The following GRID1 variants were observed in gnomAD, a reference collection of about 807,000 sequenced individuals.
The protein encoded by GRID1 is glutamate ionotropic receptor delta type subunit 1.
Under a neutral mutation model 98.0 loss-of-function variants are expected in GRID1, and 28 were observed. That is an observed-to-expected ratio of 0.29 (90% CI 0.21 to 0.39). The LOEUF is 0.39. Ranked by LOEUF, GRID1 falls within the 10% of genes least tolerant of loss-of-function variation. The probability of loss-of-function intolerance (pLI) is 1.00; values close to 1 mark genes in which losing one functional copy is unlikely to be tolerated. For synonymous variants in GRID1, 553 were observed against 538.5 expected (o/e 1.03, Z -0.37); for missense variants, 1,111 against 1,340.5 (o/e 0.83, Z 2.67).
chr10:85,828,789 T>C (rs116972181), intron 8 of GRID1, among the ~76,000 whole-genome samples: 5,022 of 151,964 alleles, frequency 0.033, 126 homozygotes, highest in Non-Finnish European at 0.047. Flanking sequence ...AGACTAAAAA[T>C]TAGTTACAAA....
intron 5 of GRID1, among the ~76,000 whole-genome samples, chr10:85,897,522 C>A (rs146197099): frequency 6.6e-6 from 1 of 152,030 alleles, no homozygotes; most frequent in Non-Finnish European, 1.5e-5. Context: ...CTCTCATGCT[C>A]GGAAAACATA....
intron 12 of GRID1, among the ~76,000 whole-genome samples, chr10:85,674,452 G>A (rs887165205): frequency 6.6e-6 from 1 of 152,134 alleles, no homozygotes; most frequent in African/African-American, 2.4e-5. Context: ...GAGATTAATG[G>A]ATTAGAAAAG....
At chr10:85,831,740 T>C (rs573157617) in intron 8 of GRID1, among the ~76,000 whole-genome samples, 2 of 152,232 alleles carry the variant, frequency 1.3e-5, no homozygotes, top group East Asian at 3.9e-4. Flanking sequence ...TTTTGTTTAG[T>C]AAATGAAATA....
At chr10:86,331,559 C>T (rs1848142883) in intron 2 of GRID1, among the ~76,000 whole-genome samples, 1 of 152,202 alleles carries the variant, frequency 6.6e-6, no homozygotes, top group Non-Finnish European at 1.5e-5. Context: ...CCACCAGTGC[C>T]CTCCACTGGA....
At chr10:85,784,328 A>C (rs1208590642) in intron 8 of GRID1, among the ~76,000 whole-genome samples, 1 of 152,210 alleles carries the variant, frequency 6.6e-6, no homozygotes, top group African/African-American at 2.4e-5. Flanking sequence ...ACTCCACAGC[A>C]TGCACCTCAG....
intron 2 of GRID1, among the ~76,000 whole-genome samples, chr10:86,262,564 C>T (rs184730380): frequency 4.7e-4 from 72 of 152,314 alleles, no homozygotes; most frequent in East Asian, 7.7e-4. Context: ...AGGAAGGGAA[C>T]GTGGCTCCAC....
At chr10:86,309,870 A>T (rs1847808880) in intron 2 of GRID1, among the ~76,000 whole-genome samples, 1 of 152,178 alleles carries the variant, frequency 6.6e-6, no homozygotes, top group Admixed American at 6.5e-5. Flanking sequence ...CTAAGAGAGG[A>T]TGCCAGTGCC....
At chr10:85,642,430 C>A (rs1327356492) in intron 13 of GRID1, among the ~76,000 whole-genome samples, 4 of 152,182 alleles carry the variant, frequency 2.6e-5, no homozygotes, top group African/African-American at 9.7e-5. Context: ...AAGAGACAAG[C>A]CTGACAGGAA....
At chr10:85,970,807 T>G (rs1184652436) in intron 4 of GRID1, among the ~76,000 whole-genome samples, 1 of 152,078 alleles carries the variant, frequency 6.6e-6, no homozygotes, top group East Asian at 1.9e-4. Flanking sequence ...CTACTCAATA[T>G]TGTACTGGAG....
chr10:85,860,057 A>G (rs2131785046), intron 6 of GRID1, among the ~76,000 whole-genome samples: 1 of 152,284 alleles, frequency 6.6e-6, no homozygotes, highest in East Asian at 1.9e-4. Flanking sequence ...AGGCTCCCAG[A>G]TGCATGGATG....
intron 4 of GRID1, among the ~76,000 whole-genome samples, chr10:86,044,651 T>A (rs1843396252): frequency 6.6e-6 from 1 of 152,202 alleles, no homozygotes; most frequent in Non-Finnish European, 1.5e-5. Context: ...GGGTCCCCCA[T>A]GGAATCCCCA....
intron 3 of GRID1, among the ~76,000 whole-genome samples, chr10:86,172,040 T>C (rs1845496303): frequency 1.3e-5 from 2 of 152,008 alleles, no homozygotes; most frequent in African/African-American, 2.4e-5. Context: ...GTCTTAAGTG[T>C]ACAATTGAAT....
chr10:85,666,650 G>A (rs1349109718), intron 12 of GRID1, among the ~76,000 whole-genome samples: 1 of 152,194 alleles, frequency 6.6e-6, no homozygotes, highest in African/African-American at 2.4e-5. Context: ...AGAGCCAACT[G>A]TACTTTGTGA....
intron 4 of GRID1, among the ~76,000 whole-genome samples, chr10:85,980,997 C>A (rs568156875): frequency 6.6e-6 from 1 of 152,200 alleles, no homozygotes; most frequent in African/African-American, 2.4e-5. Flanking sequence ...TGCCTTCCTC[C>A]CAGGTGAGCC....
At chr10:86,168,550 C>A (rs1470565355) in intron 3 of GRID1, among the ~76,000 whole-genome samples, 1 of 152,184 alleles carries the variant, frequency 6.6e-6, no homozygotes, top group Non-Finnish European at 1.5e-5. Flanking sequence ...GATGCAGAAT[C>A]CCCTCTGCCA....
At chr10:86,066,309 A>G (rs1843719705) in intron 4 of GRID1, among the ~76,000 whole-genome samples, 2 of 152,238 alleles carry the variant, frequency 1.3e-5, no homozygotes, top group African/African-American at 4.8e-5. Context: ...CACAAGCTCA[A>G]ACCCAAGCTG....
chr10:86,354,074 G>A (rs1021169971), intron 2 of GRID1, among the ~76,000 whole-genome samples: 3 of 152,334 alleles, frequency 2.0e-5, no homozygotes, highest in South Asian at 2.1e-4. Context: ...GAAGGCCCAC[G>A]GCCCCAGGCC....
intron 4 of GRID1, among the ~76,000 whole-genome samples, chr10:85,974,473 C>T (rs1403226725): frequency 6.6e-6 from 1 of 152,126 alleles, no homozygotes; most frequent in South Asian, 2.1e-4. Context: ...CCAAATGCTG[C>T]CATTGACCTT....
intron 8 of GRID1, among the ~76,000 whole-genome samples, chr10:85,733,643 T>G (rs1841849173): frequency 6.6e-6 from 1 of 152,220 alleles, no homozygotes; most frequent in African/African-American, 2.4e-5. Context: ...TCTATTTTCT[T>G]ATCTATGAAA....
Sources: allele counts gnomAD v4.1 joint callset (sites outside exome capture counted in the v4.1 genomes callset), GRCh38; gene constraint gnomAD v4.1.1; transcripts MANE v1.5; gene names NCBI Gene and HGNC (gene_info 2026-07-23, HGNC 2026-07-21).